Variants in FRMD4B observed in about 807,000 individuals in gnomAD.
The protein encoded by FRMD4B is FERM domain containing 4B, also known as FERM domain-containing protein 4B.
Under a neutral mutation model 141.5 loss-of-function variants are expected in FRMD4B, and 74 were observed. The observed-to-expected ratio is 0.52, with a 90% CI of 0.43 to 0.63. The LOEUF (loss-of-function observed/expected upper bound fraction) is 0.63, where lower values mean the gene tolerates loss of function less well. Among genes scored for constraint, FRMD4B ranks in the 30% least tolerant of loss-of-function variants. The pLI, the probability that FRMD4B is intolerant of heterozygous loss-of-function variation, is 0.00. For missense variants in FRMD4B, 1,366 were observed against 1,253.4 expected (o/e 1.09, Z -1.36); for synonymous variants, 506 against 467.9 (o/e 1.08, Z -1.05).
chr3:69,412,689 G>C (rs1414271647), intron 2 of FRMD4B, among the ~76,000 whole-genome samples: 1 of 152,096 alleles, frequency 6.6e-6, no homozygotes, highest in Non-Finnish European at 1.5e-5. Flanking sequence ...GGTTATCTAA[G>C]AGATGCAGAA....
At chr3:69,441,095 A>G (rs1477554251) in intron 1 of FRMD4B, among the ~76,000 whole-genome samples, 1 of 152,170 alleles carries the variant, frequency 6.6e-6, no homozygotes, top group Non-Finnish European at 1.5e-5. Context: ...ATAGCAAATC[A>G]TCCCTCCCTG....
intron 1 of FRMD4B, among the ~76,000 whole-genome samples, chr3:69,476,646 C>T (rs1029569157): frequency 2.0e-5 from 3 of 152,164 alleles, no homozygotes; most frequent in African/African-American, 7.2e-5. Flanking sequence ...GTGATGCCTC[C>T]AGCTGTGTTC....
chr3:69,255,604 C>T (rs1301985277), intron 5 of FRMD4B, among the ~76,000 whole-genome samples: 4 of 152,108 alleles, frequency 2.6e-5, no homozygotes, highest in African/African-American at 9.7e-5. Context: ...TGGTGGATAT[C>T]TGTTTTGACT....
intron 2 of FRMD4B, among the ~76,000 whole-genome samples, chr3:69,416,078 G>A (rs557476760): frequency 1.3e-5 from 2 of 152,156 alleles, no homozygotes; most frequent in Middle Eastern, 3.4e-3. Context: ...TGACTGCCAG[G>A]GCATACCAAG....
chr3:69,405,553 G>A (rs1222361405), intron 2 of FRMD4B, among the ~76,000 whole-genome samples: 1 of 152,190 alleles, frequency 6.6e-6, no homozygotes, highest in Non-Finnish European at 1.5e-5. Context: ...CCAATAAAAG[G>A]GAGTTCCTGT....
chr3:69,511,084 C>G (rs1498854), intron 1 of FRMD4B, among the ~76,000 whole-genome samples: 84,097 of 151,970 alleles, frequency 0.55, 23,920 homozygotes, highest in African/African-American at 0.7. Context: ...TTGGGGTTAA[C>G]ATTTTGTTGA....
chr3:69,175,639 T>G (rs2092635930), intron 22 of FRMD4B, among the ~76,000 whole-genome samples: 1 of 152,060 alleles, frequency 6.6e-6, no homozygotes, highest in African/African-American at 2.4e-5. Flanking sequence ...GAGACTTAAA[T>G]GGACATATCA....
intron 5 of FRMD4B, among the ~76,000 whole-genome samples, chr3:69,255,736 A>G (rs576944947): frequency 6.6e-6 from 1 of 152,248 alleles, no homozygotes; most frequent in African/African-American, 2.4e-5. Context: ...AACTGCTCCA[A>G]GGACCCACTC....
chr3:69,312,701 C>T (rs547203039), intron 2 of FRMD4B, among the ~76,000 whole-genome samples: 13 of 152,244 alleles, frequency 8.5e-5, no homozygotes, highest in Admixed American at 7.2e-4. Flanking sequence ...GAGTTCGAGG[C>T]CAGCCTGGCC....
chr3:69,536,933 G>T (rs9841222), intron 1 of FRMD4B, among the ~76,000 whole-genome samples: 38,664 of 151,678 alleles, frequency 0.25, 5,481 homozygotes, highest in African/African-American at 0.38. Context: ...TTTTAAGTAG[G>T]AATGAGGTCT....
At chr3:69,400,468 A>C (rs1704545319) in intron 2 of FRMD4B, among the ~76,000 whole-genome samples, 1 of 152,196 alleles carries the variant, frequency 6.6e-6, no homozygotes, top group Non-Finnish European at 1.5e-5. Flanking sequence ...ACTACTCCTT[A>C]GGTCTGGAAG....
intron 2 of FRMD4B, among the ~76,000 whole-genome samples, chr3:69,432,151 A>G (rs559264830): frequency 6.6e-6 from 1 of 152,248 alleles, no homozygotes; most frequent in Non-Finnish European, 1.5e-5. Flanking sequence ...CCCTTACTCC[A>G]ATTAAGCTAA....
intron 1 of FRMD4B, among the ~76,000 whole-genome samples, chr3:69,318,431 C>A (rs2107267073): frequency 6.6e-6 from 1 of 152,162 alleles, no homozygotes; most frequent in South Asian, 2.1e-4. Context: ...CCATCGATGA[C>A]AATACAACAA....
intron 5 of FRMD4B, among the ~76,000 whole-genome samples, chr3:69,277,652 G>A (rs961393591): frequency 5.0e-5 from 7 of 140,600 alleles, no homozygotes; most frequent in South Asian, 4.8e-4. Context: ...CAGCCTCCCC[G>A]TCCCGAGTAG....
intron 1 of FRMD4B, among the ~76,000 whole-genome samples, chr3:69,462,894 CT>C (rs1217731257): frequency 2.0e-5 from 3 of 152,244 alleles, no homozygotes; most frequent in Non-Finnish European, 2.9e-5. Context: ...CAAGACACCC[CT>C]GGAAGACCAT....
intron 4 of FRMD4B, among the ~76,000 whole-genome samples, chr3:69,292,108 A>G (rs1700894789): frequency 1.3e-5 from 2 of 152,176 alleles, no homozygotes; most frequent in Non-Finnish European, 2.9e-5. Flanking sequence ...TTCCAAGTCA[A>G]TATGATATAA....
At chr3:69,189,813 T>C in intron 18 of FRMD4B, 83 bp downstream of exon 18, 4 of 804,896 alleles carry the variant, frequency 5.0e-6, no homozygotes, top group Non-Finnish European at 8.3e-6. Flanking sequence ...GAAAAACAAA[T>C]AGGCCTTACT....
chr3:69,208,169 T>A (rs1222056206), intron 11 of FRMD4B, among the ~76,000 whole-genome samples: 14 of 152,088 alleles, frequency 9.2e-5, no homozygotes, highest in Non-Finnish European at 1.8e-4. Context: ...GTTCAAGCAA[T>A]TCTCCTGCCT....
chr3:69,251,165 G>A (rs968262926), intron 5 of FRMD4B, among the ~76,000 whole-genome samples: 3 of 152,146 alleles, frequency 2.0e-5, no homozygotes, highest in African/African-American at 4.8e-5. Flanking sequence ...AAAATTCCAC[G>A]TAACTCCATT....
Sources: gnomAD v4.1 joint callset for allele counts (sites outside exome capture counted in the v4.1 genomes callset) on GRCh38, gnomAD v4.1.1 for gene constraint, MANE v1.5 for transcripts, NCBI Gene and HGNC (gene_info 2026-07-23, HGNC 2026-07-21) for gene names.